The following ZNF423 variants were observed in gnomAD, a reference collection of about 807,000 sequenced individuals.
ZNF423 encodes the protein zinc finger protein 423, also known as Ebf-associated zinc finger protein.
A neutral mutation model predicts 95.8 loss-of-function variants in ZNF423; 12 were observed. The observed-to-expected ratio is 0.13, with a 90% CI of 0.08 to 0.20. ZNF423 has a LOEUF of 0.20. Among genes scored for constraint, ZNF423 ranks in the 10% least tolerant of loss-of-function variants. The pLI is 1.00. For synonymous variants in ZNF423, 749 were observed against 711.9 expected, an observed-to-expected ratio of 1.05 and a Z score of -0.83; for missense variants, 1,316 against 1,737.1, an observed-to-expected ratio of 0.76 and a Z score of 4.31.
chr16:49,659,407 G>A (rs2151912584), intron 3 of ZNF423, among the ~76,000 whole-genome samples: 1 of 152,334 alleles, frequency 6.6e-6, no homozygotes, highest in East Asian at 1.9e-4. Flanking sequence ...ACTATTTAAT[G>A]CATTTAAGCC....
intron 3 of ZNF423, among the ~76,000 whole-genome samples, chr16:49,717,066 C>G (rs2032729293): frequency 6.6e-6 from 1 of 152,166 alleles, no homozygotes; most frequent in African/African-American, 2.4e-5. Context: ...TGTTCATCTC[C>G]AGGCTTGCAA....
intron 2 of ZNF423, among the ~76,000 whole-genome samples, chr16:49,788,169 C>CAG (rs2034349405): frequency 6.6e-6 from 1 of 152,184 alleles, no homozygotes; most frequent in Non-Finnish European, 1.5e-5. Flanking sequence ...GGAGGAAGCC[C>CAG]CTGTCACCAA....
intron 5 of ZNF423, among the ~76,000 whole-genome samples, chr16:49,558,761 A>G (rs1969922983): frequency 6.6e-6 from 1 of 152,224 alleles, no homozygotes; most frequent in Non-Finnish European, 1.5e-5. Flanking sequence ...TGTGTATTTG[A>G]CAACCTTTCA....
chr16:49,778,011 A>G (rs138271536), intron 2 of ZNF423, among the ~76,000 whole-genome samples: 6 of 152,382 alleles, frequency 3.9e-5, no homozygotes, highest in African/African-American at 1.4e-4. Context: ...AGTAAAATAT[A>G]TCATATTTGC....
At chr16:49,809,095 TA>T (rs1246422391) in intron 1 of ZNF423, among the ~76,000 whole-genome samples, 2 of 152,224 alleles carry the variant, frequency 1.3e-5, no homozygotes, top group African/African-American at 4.8e-5. Context: ...TGGCCACCCG[TA>T]GGGACCAAGT....
intron 1 of ZNF423, among the ~76,000 whole-genome samples, chr16:49,807,945 G>A (rs1289971406): frequency 2.0e-5 from 3 of 152,210 alleles, no homozygotes; most frequent in Non-Finnish European, 4.4e-5. Flanking sequence ...GTCACGGGAT[G>A]CTTTTCTTCC....
chr16:49,753,613 A>C (rs1453268668), intron 2 of ZNF423, among the ~76,000 whole-genome samples: 3 of 152,036 alleles, frequency 2.0e-5, no homozygotes, highest in Non-Finnish European at 4.4e-5. Context: ...AAAAAAAAAA[A>C]AAAACAATAA....
chr16:49,779,867 C>T (rs1222041317), intron 2 of ZNF423, among the ~76,000 whole-genome samples: 1 of 152,138 alleles, frequency 6.6e-6, no homozygotes, highest in African/African-American at 2.4e-5. Flanking sequence ...TACTGAAGTC[C>T]CCCGAAAAGC....
chr16:49,618,418 G>A (rs1195742669), intron 5 of ZNF423, among the ~76,000 whole-genome samples: 1 of 152,100 alleles, frequency 6.6e-6, no homozygotes, highest in Admixed American at 6.5e-5. Flanking sequence ...TAATCCCCAC[G>A]TGTCGAGAGA....
chr16:49,732,542 A>G (rs2143408539), intron 2 of ZNF423, among the ~76,000 whole-genome samples: 1 of 152,372 alleles, frequency 6.6e-6, no homozygotes, highest in Non-Finnish European at 1.5e-5. Context: ...GCATATGTAC[A>G]TATGCAAAAG....
In ZNF423 at chr16:49,638,781, T is replaced by C. The variant is rs2151888050; in HGVS notation, c.395A>G (p.Asp132Gly). The C allele has an allele frequency of 1.2e-6, 2 of 1,613,834 alleles. No individual in the cohort carries two copies. Among genetic ancestry groups the C allele is most frequent in the Non-Finnish European group, 1.7e-6 (2 of 1,179,976 alleles). ...SPTQMIGDGC[D>G]LGLGEEEGGT... ...CCCTTCCTCCTCGCCGAGGCCGAGG[T>C]CACAACCATCTCCGATCATCTGCGT... The change falls in exon 4 of 8, where the codon GAC becomes GGC. Residue 132 changes from aspartate (D) to glycine (G), a missense_variant. By Grantham distance (94) the Asp-to-Gly change is moderately conservative (BLOSUM62 -1). Coordinates refer to ENST00000563137, the MANE Select transcript of ZNF423 (RefSeq NM_001379286.1). The surrounding 1 kb of genome is among the most constrained non-coding windows in gnomAD (Gnocchi z 5.6).
At chr16:49,727,239 G>A (rs531039010) in intron 3 of ZNF423, among the ~76,000 whole-genome samples, 20 of 152,252 alleles carry the variant, frequency 1.3e-4, no homozygotes, top group South Asian at 4.2e-4. Context: ...TCATGGGCCC[G>A]GCATGCCACT....
intron 5 of ZNF423, among the ~76,000 whole-genome samples, chr16:49,619,357 A>T (rs1971981625): frequency 6.6e-6 from 1 of 152,198 alleles, no homozygotes; most frequent in Admixed American, 6.5e-5. Context: ...GCCTTCCCCC[A>T]AAACAAACAA....
intron 5 of ZNF423, 47 bp from the exon 6 acceptor site, chr16:49,525,541 C>T (rs945626312): frequency 1.2e-6 from 2 of 1,610,216 alleles, no homozygotes; most frequent in Non-Finnish European, 1.7e-6. Flanking sequence ...TGCCATGTCC[C>T]CCAGACAGGT....
At chr16:49,733,479 T>C (rs1040717555) in intron 2 of ZNF423, among the ~76,000 whole-genome samples, 2 of 152,208 alleles carry the variant, frequency 1.3e-5, no homozygotes, top group Non-Finnish European at 2.9e-5. Flanking sequence ...ATCTGGTACA[T>C]CCTGTTGACT....
intron 3 of ZNF423, among the ~76,000 whole-genome samples, chr16:49,683,695 A>T (rs1366090095): frequency 3.9e-5 from 6 of 152,202 alleles, no homozygotes; most frequent in Admixed American, 3.9e-4. Flanking sequence ...TCAACACTTG[A>T]CCCACACCTA....
chr16:49,600,008 G>A (rs779074709), intron 5 of ZNF423, among the ~76,000 whole-genome samples: 6 of 152,182 alleles, frequency 3.9e-5, no homozygotes, highest in Non-Finnish European at 7.3e-5. Flanking sequence ...TTCACTGTAT[G>A]TAAGTTAAGC....
intron 7 of ZNF423, among the ~76,000 whole-genome samples, chr16:49,504,370 C>T (rs1967548212): frequency 6.6e-6 from 1 of 152,190 alleles, no homozygotes; most frequent in East Asian, 1.9e-4. Context: ...ACACTTGAGG[C>T]CACGAGTTCG....
intron 3 of ZNF423, among the ~76,000 whole-genome samples, chr16:49,709,688 G>C (rs1382709217): frequency 1.3e-5 from 2 of 152,182 alleles, no homozygotes; most frequent in Non-Finnish European, 2.9e-5. Flanking sequence ...TAGGTCATGA[G>C]GGTTCCATCC....
Sources: allele counts gnomAD v4.1 joint callset (sites outside exome capture counted in the v4.1 genomes callset), GRCh38; gene constraint gnomAD v4.1.1; non-coding constraint Gnocchi (gnomAD v3.1); transcripts MANE v1.5; gene names NCBI Gene and HGNC (gene_info 2026-07-23, HGNC 2026-07-21).